The following FAAH2 variants were observed in gnomAD, a reference collection of about 807,000 sequenced individuals.
The protein encoded by FAAH2 is fatty acid amide hydrolase 2.
Under a neutral mutation model 36.9 loss-of-function variants are expected in FAAH2, and 60 were observed. The observed-to-expected ratio is 1.63, with a 90% CI of 1.32 to 2.02. The LOEUF (loss-of-function observed/expected upper bound fraction) is 2.02, where lower values mean the gene tolerates loss of function less well. Ranked by LOEUF, FAAH2 falls within the 30% of genes most tolerant of loss-of-function variation. The probability of loss-of-function intolerance (pLI) is 0.00; values close to 1 mark genes in which losing one functional copy is unlikely to be tolerated. For missense variants in FAAH2, 689 were observed against 397.5 expected (o/e 1.73, Z -6.23); for synonymous variants, 214 against 143.8 (o/e 1.49, Z -3.49).
intron 1 of FAAH2, 48 bp downstream of exon 1, chrX:57,287,065 G>T: frequency 9.2e-7 from 1 of 1,084,070 alleles, no homozygotes; most frequent in East Asian, 3.4e-5. Flanking sequence ...CTTTTAGCAG[G>T]ATCCAGGAAG....
chrX:57,488,855 A>T lies in FAAH2; in HGVS notation c.1522A>T (p.Asn508Tyr). ...CATCCAGGTTGTGGCTGGACCCTTT[A>T]ATGATCATCTGACCCTGGCTGTGGC... is the stretch of plus-strand genomic sequence containing the variant. ...LGIQVVAGPF[N>Y]DHLTLAVAQY... is the part of the protein sequence containing the mutation. Residue 508 changes from asparagine (N) to tyrosine (Y), a missense_variant, in exon 11 of 11, where the codon AAT (asparagine) becomes TAT (tyrosine). Physicochemically the swap from Asn to Tyr is moderately radical, Grantham distance 143. Transcript: ENST00000374900. 1 of 1,210,815 alleles carries T rather than the reference A, an allele frequency of 8.3e-7. No homozygotes were observed. Among genetic ancestry groups the T allele is most frequent in the Non-Finnish European group, 1.1e-6 (1 of 895,248 alleles).
At chrX:57,385,201 G>T (rs1385012957) in intron 7 of FAAH2, among the ~76,000 whole-genome samples, 1 of 106,623 alleles carries the variant, frequency 9.4e-6, no homozygotes, top group African/African-American at 3.5e-5. Flanking sequence ...AATGGGTGCA[G>T]CACACCAACA....
the FAAH2 span, among the ~76,000 whole-genome samples, chrX:57,279,202 C>A: frequency 8.9e-6 from 1 of 112,271 alleles, no homozygotes; most frequent in South Asian, 3.7e-4. Context: ...TGGAACCAAC[C>A]AAAATGTCAT....
chrX:57,410,620 C>T (rs1055253758), intron 7 of FAAH2, among the ~76,000 whole-genome samples: 1 of 111,004 alleles, frequency 9.0e-6, no homozygotes, highest in African/African-American at 3.3e-5. Context: ...ATAATAACCT[C>T]CTTTGTCTCT....
the FAAH2 span, among the ~76,000 whole-genome samples, chrX:57,166,260 G>A: frequency 9.0e-6 from 1 of 111,193 alleles, no homozygotes; most frequent in Non-Finnish European, 1.9e-5. Context: ...CCTTCTCCAA[G>A]CCCATGTGGG....
chrX:57,320,027 T>C (rs1014682165), intron 3 of FAAH2, among the ~76,000 whole-genome samples: 1 of 111,882 alleles, frequency 8.9e-6, no homozygotes, highest in African/African-American at 3.3e-5. Flanking sequence ...CAAGATGGAT[T>C]AAAGACTTAA....
At chrX:57,158,095 G>A in the FAAH2 span, among the ~76,000 whole-genome samples, 32 of 111,078 alleles carry the variant, frequency 2.9e-4, no homozygotes, top group East Asian at 2.8e-4. Flanking sequence ...GAGAACATGC[G>A]GTCTTTGGTT....
At chrX:57,406,489 GT>G (rs748252460) in intron 7 of FAAH2, among the ~76,000 whole-genome samples, 14 of 112,130 alleles carry the variant, frequency 1.2e-4, no homozygotes, top group South Asian at 3.7e-4. Context: ...GGAGTGTTTG[GT>G]TTGATATGCT....
At chrX:57,469,786 C>T (rs138459897) in intron 10 of FAAH2, among the ~76,000 whole-genome samples, 29 of 112,023 alleles carry the variant, frequency 2.6e-4, no homozygotes, top group African/African-American at 9.4e-4. Context: ...CCCAAATCAA[C>T]AGAATATACA....
At chrX:57,251,357 C>T in the FAAH2 span, among the ~76,000 whole-genome samples, 2 of 111,527 alleles carry the variant, frequency 1.8e-5, no homozygotes, top group Non-Finnish European at 3.8e-5. Context: ...TACCTCAACA[C>T]AACAAAGGCC....
intron 5 of FAAH2, among the ~76,000 whole-genome samples, chrX:57,349,551 A>T (rs1196158953): frequency 9.6e-6 from 1 of 104,119 alleles, no homozygotes; most frequent in Non-Finnish European, 1.9e-5. Flanking sequence ...TAAATGTTTT[A>T]TATATATATA....
At chrX:57,395,360 C>T in intron 7 of FAAH2, 1 of 694,320 alleles carries the variant, frequency 1.4e-6, no homozygotes, top group South Asian at 2.1e-5. Flanking sequence ...CAGTCTCGCC[C>T]TTATTTGTGC....
At position 57,398,389 on chromosome X, in the gene FAAH2, C is replaced by T. The variant is rs755126533; in HGVS notation, c.996+17360C>T. On this transcript the variant is annotated intron_variant, in intron 7 of 10. Coordinates refer to ENST00000374900, the MANE Select transcript of FAAH2 (RefSeq NM_174912.4). ...CTCAGAATTTCTGGTATCGGGATAT[C>T]TACAACTCTAACAAAATCAGGAAAT... 9.8e-5 allele frequency among the ~76,000 whole-genome samples: 11 copies of T among 111,961 alleles called. No individual in the cohort carries two copies. In the South Asian group the frequency reaches 3.0e-3, roughly 31 times the overall value.
At chrX:57,236,892 A>G in the FAAH2 span, among the ~76,000 whole-genome samples, 1 of 92,682 alleles carries the variant, frequency 1.1e-5, no homozygotes, top group Non-Finnish European at 2.0e-5. Flanking sequence ...TGTTTTATTG[A>G]CTGTGCTTTT....
intron 10 of FAAH2, among the ~76,000 whole-genome samples, chrX:57,470,518 G>T (rs1394287065): frequency 1.8e-5 from 2 of 111,095 alleles, no homozygotes; most frequent in Non-Finnish European, 3.8e-5. Context: ...TAAATTTCTG[G>T]ACACATACAC....
chrX:57,298,768 G>T (rs1219768997), intron 2 of FAAH2, among the ~76,000 whole-genome samples: 1 of 81,714 alleles, frequency 1.2e-5, no homozygotes. Context: ...AAATGACAAA[G>T]GGCATGTCAC....
intron 5 of FAAH2, among the ~76,000 whole-genome samples, chrX:57,350,842 A>G (rs2053980862): frequency 9.0e-6 from 1 of 111,666 alleles, no homozygotes; most frequent in South Asian, 3.7e-4. Context: ...ATCCAAATTG[A>G]TAAATATCAC....
intron 8 of FAAH2, among the ~76,000 whole-genome samples, chrX:57,440,661 G>C (rs1303571996): frequency 1.8e-5 from 2 of 111,454 alleles, no homozygotes; most frequent in Non-Finnish European, 3.8e-5. Flanking sequence ...GGTGAGAGAG[G>C]GCATCCCTGT....
the FAAH2 span, among the ~76,000 whole-genome samples, chrX:57,265,437 T>C: frequency 1.8e-5 from 2 of 110,883 alleles, no homozygotes; most frequent in Admixed American, 9.5e-5. Flanking sequence ...TGTGATGGAG[T>C]TCCTAGGGGA....
Sources: gnomAD v4.1 joint callset for allele counts (sites outside exome capture counted in the v4.1 genomes callset) on GRCh38, gnomAD v4.1.1 for gene constraint, MANE v1.5 for transcripts, NCBI Gene and HGNC (gene_info 2026-07-23, HGNC 2026-07-21) for gene names.